RIGI: variants seen among roughly 807,000 people sequenced by gnomAD.
RIGI encodes the protein antiviral innate immune response receptor RIG-I.
the RIGI span, chr9:32,467,975 G>A: frequency 6.7e-7 from 1 of 1,497,528 alleles, no homozygotes; most frequent in South Asian, 1.3e-5. Context: ...ACCAAAGAGG[G>A]AACTTCCCCC....
the RIGI span, among the ~76,000 whole-genome samples, chr9:32,479,698 G>A: frequency 1.3e-5 from 2 of 151,904 alleles, no homozygotes; most frequent in African/African-American, 4.8e-5. Context: ...TTAGCCGGGT[G>A]TGGTGGCGCA....
the RIGI span, chr9:32,480,442 GTTTT>G: frequency 7.6e-7 from 1 of 1,315,040 alleles, no homozygotes; most frequent in African/African-American, 1.5e-5. Context: ...TTAACGAATT[GTTTT>G]AAGAAAACTT....
At chr9:32,467,896 G>A in the RIGI span, 3 of 1,612,326 alleles carry the variant, frequency 1.9e-6, no homozygotes, top group Non-Finnish European at 2.5e-6. Flanking sequence ...GGCTTTGAAT[G>A]CATCCAATAT....
the RIGI span, among the ~76,000 whole-genome samples, chr9:32,480,748 T>C: frequency 2.0e-5 from 3 of 152,242 alleles, no homozygotes; most frequent in East Asian, 1.9e-4. Context: ...AAATTGTCAG[T>C]GTACCTTCCA....
At chr9:32,521,071 G>A in the RIGI span, among the ~76,000 whole-genome samples, 1 of 144,298 alleles carries the variant, frequency 6.9e-6, no homozygotes, top group Non-Finnish European at 1.5e-5. Context: ...CTTGAACCCA[G>A]GAGGCAGAGG....
chr9:32,497,830 A>G, the RIGI span, among the ~76,000 whole-genome samples: 3 of 152,104 alleles, frequency 2.0e-5, no homozygotes, highest in African/African-American at 7.3e-5. Flanking sequence ...TTCCTTTCCA[A>G]TTTGGATACC....
At chr9:32,494,469 T>C in the RIGI span, among the ~76,000 whole-genome samples, 2 of 152,184 alleles carry the variant, frequency 1.3e-5, no homozygotes, top group Admixed American at 1.3e-4. Context: ...TTTAGAAAGT[T>C]CAGAGAAAAA....
chr9:32,518,226 T>C, the RIGI span, among the ~76,000 whole-genome samples: 11 of 152,186 alleles, frequency 7.2e-5, no homozygotes, highest in African/African-American at 2.4e-4. Flanking sequence ...AGGTTACTTA[T>C]GAAACAAGGT....
At chr9:32,489,583 CT>C in the RIGI span, 5 of 466,914 alleles carry the variant, frequency 1.1e-5, no homozygotes, top group East Asian at 1.4e-4. Flanking sequence ...AGAATCCTTT[CT>C]CTTGGTAACC....
chr9:32,495,128 T>G, the RIGI span, among the ~76,000 whole-genome samples: 3 of 152,328 alleles, frequency 2.0e-5, no homozygotes, highest in South Asian at 6.2e-4. Flanking sequence ...TTAACACCAT[T>G]TTACAATCCT....
chr9:32,468,765 G>T, the RIGI span, among the ~76,000 whole-genome samples: 2 of 151,964 alleles, frequency 1.3e-5, no homozygotes, highest in African/African-American at 4.8e-5. Context: ...TTCAGTTTAA[G>T]ACCCTAATAG....
At chr9:32,470,561 G>GGGTGAGC in the RIGI span, among the ~76,000 whole-genome samples, 1 of 152,138 alleles carries the variant, frequency 6.6e-6, no homozygotes, top group Non-Finnish European at 1.5e-5. Flanking sequence ...TCATTCATAA[G>GGGTGAGC]CAGGCAGTGA....
chr9:32,487,753 T>A, the RIGI span: 1 of 1,283,110 alleles, frequency 7.8e-7, no homozygotes, highest in Non-Finnish European at 1.1e-6. Context: ...ACACACAGTG[T>A]ATGGCACATG....
chr9:32,490,195 G>T, the RIGI span, among the ~76,000 whole-genome samples: 1 of 152,136 alleles, frequency 6.6e-6, no homozygotes, highest in African/African-American at 2.4e-5. Context: ...CCGACATGCT[G>T]AAATCCCCAC....
the RIGI span, chr9:32,467,828 C>T: frequency 6.2e-7 from 1 of 1,613,514 alleles, no homozygotes; most frequent in Non-Finnish European, 8.5e-7. Context: ...TTGCACTGTG[C>T]AATGTCAATG....
At chr9:32,496,368 G>A in the RIGI span, among the ~76,000 whole-genome samples, 1 of 152,186 alleles carries the variant, frequency 6.6e-6, no homozygotes, top group African/African-American at 2.4e-5. Flanking sequence ...GGTGTTTTCA[G>A]AACAGATTAT....
chr9:32,494,003 T>C, the RIGI span: 1 of 1,256,018 alleles, frequency 8.0e-7, no homozygotes, highest in Non-Finnish European at 1.1e-6. Flanking sequence ...ACTTTGAGAT[T>C]AGTATCATAG....
At chr9:32,458,966 C>T in the RIGI span, among the ~76,000 whole-genome samples, 49,391 of 149,608 alleles carry the variant, frequency 0.33, 8,448 homozygotes, top group East Asian at 0.48. Context: ...ATCAGCTCAC[C>T]GCAACCTCTG....
chr9:32,506,116 G>A, the RIGI span, among the ~76,000 whole-genome samples: 3 of 152,298 alleles, frequency 2.0e-5, no homozygotes, highest in East Asian at 5.8e-4. Context: ...TACTCAGGAG[G>A]CTGAGGTAGG....
Sources: allele counts gnomAD v4.1 joint callset (sites outside exome capture counted in the v4.1 genomes callset), GRCh38; gene constraint gnomAD v4.1.1; transcripts MANE v1.5; gene names NCBI Gene and HGNC (gene_info 2026-07-23, HGNC 2026-07-21).